The following GBP3 variants were observed in gnomAD, a reference collection of about 807,000 sequenced individuals.
The protein encoded by GBP3 is guanylate binding protein 3.
In GBP3, 55 loss-of-function variants were observed where a neutral mutation model predicts 62.4. The ratio of observed to expected loss-of-function variants is 0.88; its 90% confidence interval spans 0.71 to 1.10. The LOEUF is 1.10. Ranked by LOEUF, GBP3 falls within the 50% of genes least tolerant of loss-of-function variation. GBP3 has a pLI of 0.00. For missense variants in GBP3, 605 were observed against 690.6 expected, an observed-to-expected ratio of 0.88 and a Z score of 1.39; for synonymous variants, 208 against 259.2, an observed-to-expected ratio of 0.80 and a Z score of 1.90.
chr1:89,021,645 G>T (rs1032148138), intron 1 of GBP3, among the ~76,000 whole-genome samples: 3 of 152,014 alleles, frequency 2.0e-5, no homozygotes, highest in African/African-American at 7.2e-5. Context: ...TACATGGGAA[G>T]ATGTGAAAAG....
chr1:89,015,449 G>A, intron 2 of GBP3, 35 bp from the exon 3 acceptor site: 1 of 1,592,698 alleles, frequency 6.3e-7, no homozygotes, highest in Admixed American at 1.8e-5. Flanking sequence ...AGGGCTGGAG[G>A]TTTAATAGCA....
At chr1:89,009,309 A>G in intron 9 of GBP3, 83 bp downstream of exon 9, 1 of 1,478,128 alleles carries the variant, frequency 6.8e-7, no homozygotes, top group Non-Finnish European at 9.2e-7. Flanking sequence ...ATCCAGTCAA[A>G]TTATTTAAAA....
intron 1 of GBP3, among the ~76,000 whole-genome samples, chr1:89,022,125 A>G (rs1679274585): frequency 6.6e-6 from 1 of 152,100 alleles, no homozygotes; most frequent in African/African-American, 2.4e-5. Flanking sequence ...ACAATCTGAA[A>G]CAAAGTTCAA....
rs115565774 is a variant in GBP3 at position 89,018,953 on chromosome 1, G to A, written c.190+1579C>T. 2.2e-3 allele frequency among the ~76,000 whole-genome samples: 329 copies of A among 152,256 alleles called. 1 individual carries two copies. The highest frequency in any genetic ancestry group is 2.9e-3 in the South Asian group (14 of 4,824). ...CATTGCAGGCTGCTGGCCAGATCCCGCAATAAATAACAAATGTTGGTGAAT... is the reference window on the plus strand; with the variant it reads ...CATTGCAGGCTGCTGGCCAGATCCCACAATAAATAACAAATGTTGGTGAAT... On this transcript the variant is annotated intron_variant, in intron 2 of 10. Transcript: ENST00000370481.
At chr1:89,020,185 G>A (rs61766156) in intron 2 of GBP3, 1 of 423,810 alleles carries the variant, frequency 2.4e-6, no homozygotes, top group South Asian at 1.8e-5. Context: ...ACTGTGGTGA[G>A]CTGAGATCTT....
rs143589515 is a variant in GBP3, at chr1:89,014,623, G to A, written c.352C>T (p.Leu118=). 461 of 1,614,104 alleles carry A rather than the reference G, an allele frequency of 2.9e-4. 4 individuals carry two copies. The African/African-American group carries it at 4.3e-3, about 15-fold the overall frequency. Residue 118 remains leucine, a synonymous_variant, in exon 4 of 11, where the codon CTG becomes TTG. Transcript: ENST00000370481. Reference sequence around the variant, plus strand: ...AGAGTGCTGCTCAGGAGGACGGCCAGGGTGAAGATCCAGGAGTCATTCTGG... The same window carrying A: ...AGAGTGCTGCTCAGGAGGACGGCCAAGGTGAAGATCCAGGAGTCATTCTGG... ...DNQNDSWIFT[L]AVLLSSTLVY... is the part of the protein sequence containing the mutation.
chr1:89,010,818 T>A, intron 8 of GBP3, 86 bp downstream of exon 8: 1 of 1,421,484 alleles, frequency 7.0e-7, no homozygotes, highest in Non-Finnish European at 9.8e-7. Flanking sequence ...AAAAAGCACA[T>A]CTGTGTGCAG....
In GBP3 at chr1:89,007,547, C is replaced by T. The variant is rs540230020; in HGVS notation, c.*177G>A. 1.4e-5 allele frequency: 9 copies of T among 638,548 alleles called. No homozygotes were observed. The highest frequency in any genetic ancestry group is 1.1e-4 in the African/African-American group (6 of 54,696). 39.6% of individuals were successfully genotyped at this position (638,548 alleles called of 1,614,324 possible). On this transcript the variant is annotated 3_prime_UTR_variant, in exon 11 of 11. Transcript: ENST00000370481. ...CAGAGGTAAATGCATCTTTGTTGCA[C>T]AATTTACAATCTTTTTAAGGAAAAA...
chr1:89,007,579 T>A lies in GBP3; in HGVS notation c.*145A>T, dbSNP rs1678287378. 1 of 764,904 alleles carries A rather than the reference T, an allele frequency of 1.3e-6. No homozygotes were observed. Among genetic ancestry groups the A allele is most frequent in the African/African-American group, 1.8e-5 (1 of 57,092 alleles). 47.4% of individuals were successfully genotyped at this position (764,904 alleles called of 1,614,324 possible). On this transcript the variant is annotated 3_prime_UTR_variant, in exon 11 of 11. Transcript: ENST00000370481. ...CAATCTTTTTAAGGAAAAAACATGATTTTGATCATTGAACTGCATGTTCTT... is the reference window on the plus strand; with the variant it reads ...CAATCTTTTTAAGGAAAAAACATGAATTTGATCATTGAACTGCATGTTCTT...
rs778248822 is a variant in GBP3 at position 89,007,833 on chromosome 1, T to G, written c.1679A>C (p.Lys560Thr). ...SKLQEQARVL[K>T]ERCQGESTQL... ...GGTACTTTCACCTTGGCATCTCTCC[T>G]TTAGTACTCGGGCCTGTTCCTAAAA... is the stretch of plus-strand genomic sequence containing the variant. The change falls in exon 11 of 11, where the codon AAG becomes ACG. Residue 560 changes from lysine (K) to threonine (T), a missense_variant. Physicochemically the swap from Lys to Thr is moderately conservative, Grantham distance 78. Around this residue, in one of 3 missense-constraint regions of GBP3, gnomAD observed 160 missense variants for 147.8 expected, o/e 1.08. Coordinates refer to ENST00000370481, the MANE Select transcript of GBP3 (RefSeq NM_018284.3). 1.2e-6 allele frequency: 2 copies of G among 1,613,642 alleles called. No homozygotes were observed. Among genetic ancestry groups the G allele is most frequent in the Admixed American group, 1.7e-5 (1 of 59,978 alleles).
At chr1:89,010,155 C>G (rs1042075191) in intron 8 of GBP3, among the ~76,000 whole-genome samples, 8 of 149,486 alleles carry the variant, frequency 5.4e-5, no homozygotes, top group Non-Finnish European at 1.0e-4. Context: ...CAGAGTCTTG[C>G]TCTATTGCCA....
Position 89,017,994 on chromosome 1 carries a change from G to A in GBP3, c.190+2538C>T, listed in dbSNP as rs182159572. 3.6e-4 allele frequency among the ~76,000 whole-genome samples: 55 copies of A among 152,046 alleles called. No individual in the cohort carries two copies. In the East Asian group the frequency reaches 4.1e-3, roughly 11 times the overall value. On this transcript the variant is annotated intron_variant, in intron 2 of 10. Transcript: ENST00000370481. ...CTTGGGAGGCTGAGGTAGGAGAATCGCTTGAACCCGGGAGGTGGAGGTTGC... is the reference window on the plus strand; with the variant it reads ...CTTGGGAGGCTGAGGTAGGAGAATCACTTGAACCCGGGAGGTGGAGGTTGC...
intron 2 of GBP3, among the ~76,000 whole-genome samples, chr1:89,018,570 T>C (rs558749395): frequency 2.6e-5 from 4 of 152,372 alleles, no homozygotes; most frequent in South Asian, 4.1e-4. Flanking sequence ...ATCTTGCTAA[T>C]CATAGGTTAT....
chr1:89,017,940 A>G (rs1286745329), intron 2 of GBP3, among the ~76,000 whole-genome samples: 1 of 152,030 alleles, frequency 6.6e-6, no homozygotes, highest in African/African-American at 2.4e-5. Context: ...TGAGCCATGC[A>G]TGGTGGCAGG....
At chr1:89,013,705 A>G (rs1164203139) in intron 5 of GBP3, 1 of 433,810 alleles carries the variant, frequency 2.3e-6, no homozygotes, top group Non-Finnish European at 4.1e-6. Flanking sequence ...TTCATGTTCA[A>G]TCTATGTTCT....
intron 1 of GBP3, among the ~76,000 whole-genome samples, chr1:89,021,821 GAGAGAGAGAGAA>G (rs1679244264): frequency 6.7e-6 from 1 of 148,308 alleles, no homozygotes; most frequent in African/African-American, 2.6e-5. Context: ...GAGAGAGAGA[GAGAGAGAGAGAA>G]AGTGCCAGCA....
chr1:89,017,318 CAAA>C (rs748588789), intron 2 of GBP3, among the ~76,000 whole-genome samples: 2 of 96,462 alleles, frequency 2.1e-5, no homozygotes. Context: ...GCTCACATGC[CAAA>C]AAAAAAAAAA....
intron 3 of GBP3, 137 bp downstream of exon 3, chr1:89,015,150 T>C: frequency 1.2e-6 from 1 of 810,696 alleles, no homozygotes; most frequent in Non-Finnish European, 1.9e-6. Flanking sequence ...TTGCTAAGTT[T>C]GGCCTTATGA....
At chr1:89,015,066 G>T (rs1282988981) in intron 3 of GBP3, among the ~76,000 whole-genome samples, 1 of 152,168 alleles carries the variant, frequency 6.6e-6, no homozygotes, top group Non-Finnish European at 1.5e-5. Flanking sequence ...ACAACCTATG[G>T]TTAGTAGAAT....
Sources: allele counts gnomAD v4.1 joint callset (sites outside exome capture counted in the v4.1 genomes callset), GRCh38; gene constraint gnomAD v4.1.1; regional missense constraint gnomAD v4.1.1; transcripts MANE v1.5; gene names NCBI Gene and HGNC (gene_info 2026-07-23, HGNC 2026-07-21).